The following ABLIM2 variants were observed in gnomAD, a reference collection of about 807,000 sequenced individuals.
ABLIM2 encodes the protein actin-binding LIM protein 2.
A neutral mutation model predicts 97.7 loss-of-function variants in ABLIM2; 53 were observed. The observed-to-expected ratio is 0.54, with a 90% CI of 0.44 to 0.68. The LOEUF is 0.68. ABLIM2 is among the 30% of genes least tolerant of loss of function. The pLI is 0.00. For synonymous variants in ABLIM2, 361 were observed against 345.8 expected, an observed-to-expected ratio of 1.04 and a Z score of -0.49; for missense variants, 835 against 867.2, an observed-to-expected ratio of 0.96 and a Z score of 0.47.
At chr4:8,029,388 C>T (rs1307049499) in intron 11 of ABLIM2, among the ~76,000 whole-genome samples, 2 of 152,184 alleles carry the variant, frequency 1.3e-5, no homozygotes, top group Admixed American at 1.3e-4. Flanking sequence ...GCCCCCTAGG[C>T]TGTGTGCTCC....
intron 6 of ABLIM2, among the ~76,000 whole-genome samples, chr4:8,074,953 T>G (rs2152382327): frequency 6.6e-6 from 1 of 152,088 alleles, no homozygotes; most frequent in Middle Eastern, 3.4e-3. Flanking sequence ...GCCCAGCTAA[T>G]TTTTGTAGTT....
chr4:8,077,747 A>G lies in ABLIM2; in HGVS notation c.582-26T>C, dbSNP rs752010543. The G allele has an allele frequency of 8.8e-6, 14 of 1,592,936 alleles. No individual in the cohort carries two copies. The South Asian group carries it at 1.2e-4, about 14-fold the overall frequency. On this transcript the variant is annotated intron_variant, in intron 5 of 20. Coordinates refer to ENST00000447017, the MANE Select transcript of ABLIM2 (RefSeq NM_001130083.2). ...CTGCAATGAGACAGGCAGTCAACACAGGGCGGGTGTCGCCCGAGGACCCTT... is the reference window on the plus strand; with the variant it reads ...CTGCAATGAGACAGGCAGTCAACACGGGGCGGGTGTCGCCCGAGGACCCTT...
rs757453682 is a variant in ABLIM2 at position 7,984,637 on chromosome 4, C to T, written c.1735+202G>A. 5.9e-5 allele frequency among the ~76,000 whole-genome samples: 9 copies of T among 152,308 alleles called. No individual in the cohort carries two copies. In the Middle Eastern group the frequency reaches 0.01, roughly 173 times the overall value. The stretch of plus-strand genomic sequence containing the variant: ...CATGGATGGGACAGAGGGAGCATCG[C>T]GGGTAAAGCTAGCTTGGAGTGGAAC... On this transcript the variant is annotated intron_variant, in intron 18 of 20. Coordinates refer to ENST00000447017, the MANE Select transcript of ABLIM2 (RefSeq NM_001130083.2).
At chr4:7,977,083 C>T (rs1366754880) in intron 20 of ABLIM2, among the ~76,000 whole-genome samples, 1 of 152,030 alleles carries the variant, frequency 6.6e-6, no homozygotes, top group African/African-American at 2.4e-5. Flanking sequence ...GTGATTGGGT[C>T]CTGGGGGTGG....
At chr4:7,984,918 G>T in intron 17 of ABLIM2, 25 bp from the exon 18 acceptor site, 1 of 1,605,338 alleles carries the variant, frequency 6.2e-7, no homozygotes, top group Non-Finnish European at 8.5e-7. Flanking sequence ...GAGGTTGGGC[G>T]GCAAGAGACA....
chr4:8,010,558 G>A lies in ABLIM2; in HGVS notation c.1424-1456C>T, dbSNP rs1237831826. 4.1e-6 allele frequency: 4 copies of A among 985,822 alleles called. No individual in the cohort carries two copies. In the African/African-American group the frequency reaches 5.2e-5, roughly 13 times the overall value. 61.1% of individuals were successfully genotyped at this position (985,822 alleles called of 1,614,324 possible). ...GGATTGGGCTACAGGACCTTGACAAGATAAGGCCAAAATTGAAGACTGAGC... is the reference window on the plus strand; with the variant it reads ...GGATTGGGCTACAGGACCTTGACAAAATAAGGCCAAAATTGAAGACTGAGC... On this transcript the variant is annotated intron_variant, in intron 14 of 20. Coordinates refer to ENST00000447017, the MANE Select transcript of ABLIM2 (RefSeq NM_001130083.2).
chr4:8,065,731 T>C (rs1412669040), intron 6 of ABLIM2, among the ~76,000 whole-genome samples: 3 of 151,660 alleles, frequency 2.0e-5, no homozygotes, highest in African/African-American at 7.3e-5. Flanking sequence ...TGAGACCAGC[T>C]TGACCAACAT....
In ABLIM2 at chr4:8,002,340, G is replaced by A. The variant is rs1049902600; in HGVS notation, c.1618+5719C>T. On this transcript the variant is annotated intron_variant, in intron 16 of 20. Coordinates refer to ENST00000447017, the MANE Select transcript of ABLIM2 (RefSeq NM_001130083.2). The surrounding 1 kb of genome is among the most constrained non-coding windows in gnomAD (Gnocchi z 6.1). ...CCAACCCAGTGTCTTCTTTGATTCC[G>A]TCACCCCCGCAGCCAGTGGTTCCTG... Among the ~76,000 whole-genome samples the A allele has an allele frequency of 6.6e-6, 1 of 152,120 alleles. No individual in the cohort carries two copies. Among genetic ancestry groups the A allele is most frequent in the Non-Finnish European group, 1.5e-5 (1 of 68,022 alleles).
chr4:8,104,284 G>A (rs902213327), intron 2 of ABLIM2, among the ~76,000 whole-genome samples: 2 of 152,200 alleles, frequency 1.3e-5, no homozygotes, highest in South Asian at 2.1e-4. Context: ...CGCGTGTGCC[G>A]GAGAGCGTGC....
chr4:8,009,798 C>T (rs755074226), intron 14 of ABLIM2, among the ~76,000 whole-genome samples: 22 of 152,164 alleles, frequency 1.4e-4, no homozygotes, highest in African/African-American at 5.3e-4. Flanking sequence ...GCTCTGGATA[C>T]GCCACTGACT....
intron 10 of ABLIM2, among the ~76,000 whole-genome samples, chr4:8,035,605 T>C (rs1159832956): frequency 6.6e-6 from 1 of 152,048 alleles, no homozygotes; most frequent in Non-Finnish European, 1.5e-5. Flanking sequence ...CCACGGGAAA[T>C]GGACAGAGCA....
chr4:8,036,353 G>T, intron 9 of ABLIM2, 58 bp from the exon 10 acceptor site: 1 of 1,586,404 alleles, frequency 6.3e-7, no homozygotes, highest in Non-Finnish European at 8.6e-7. Flanking sequence ...CCAGAGGGCA[G>T]CACCCCCAAA....
chr4:8,138,297 C>T (rs1026897273), intron 1 of ABLIM2, among the ~76,000 whole-genome samples: 27 of 152,044 alleles, frequency 1.8e-4, no homozygotes, highest in Admixed American at 3.3e-4. Flanking sequence ...GAATGGTATG[C>T]TTAAAAATGG....
At chr4:8,041,638 C>G (rs1336031965) in intron 9 of ABLIM2, among the ~76,000 whole-genome samples, 1 of 151,590 alleles carries the variant, frequency 6.6e-6, no homozygotes, top group Non-Finnish European at 1.5e-5. Flanking sequence ...CACGGTGGCT[C>G]ACGCCTGTAA....
rs1740434963 is a variant in ABLIM2 at position 7,983,336 on chromosome 4, C to CTGTTGGG, written c.1751_1752insCCCAACA (p.Tyr585ProfsTer4). 6.2e-7 allele frequency: 1 copy of CTGTTGGG among 1,611,722 alleles called. No homozygotes were observed. The highest frequency in any genetic ancestry group is 1.3e-5 in the African/African-American group (1 of 74,842). ...GGTTTGTGACGATGAGGGAGTCATA[C>CTGTTGGG]GGATAGATCTGTTGGGGGAGGAAAC... On this transcript the variant is annotated frameshift_variant, in exon 20 of 21. Coordinates refer to ENST00000447017, the MANE Select transcript of ABLIM2 (RefSeq NM_001130083.2). LOFTEE classifies it high-confidence loss of function.
chr4:8,032,461 G>C lies in ABLIM2; in HGVS notation c.1048-2685C>G, dbSNP rs755027964. On this transcript the variant is annotated intron_variant, in intron 10 of 20. Transcript: ENST00000447017. The surrounding 1 kb of genome is among the most constrained non-coding windows in gnomAD (Gnocchi z 4.3). ...GCAGACATATCGGGGAGGCATGCAA[G>C]TGCGGGGTGATCATAAAAATAACCA... is the stretch of plus-strand genomic sequence containing the variant. Among the ~76,000 whole-genome samples the C allele has an allele frequency of 4.6e-5, 7 of 152,182 alleles. No homozygotes were observed. The highest frequency in any genetic ancestry group is 4.6e-4 in the Admixed American group (7 of 15,284).
At position 8,075,019 on chromosome 4, in the gene ABLIM2, C is replaced by T. The variant is rs961602865; in HGVS notation, c.675+2609G>A. Reference sequence around the variant, plus strand: ...CAGGCTGGTCTTGAACTCCTGACCTCGTGATCCGCCTGCCTCAGCCTCCCA... The same window carrying T: ...CAGGCTGGTCTTGAACTCCTGACCTTGTGATCCGCCTGCCTCAGCCTCCCA... On this transcript the variant is annotated intron_variant, in intron 6 of 20. Transcript: ENST00000447017. This position sits in a 1 kb window ranked among gnomAD's most constrained non-coding sequence, Gnocchi z 4.4. 1.6e-4 allele frequency among the ~76,000 whole-genome samples: 24 copies of T among 152,004 alleles called. No homozygotes were observed. The highest frequency in any genetic ancestry group is 4.1e-4 in the African/African-American group (17 of 41,396).
At position 8,084,386 on chromosome 4, in the gene ABLIM2, G is replaced by C. The variant is rs961340415; in HGVS notation, c.455-3584C>G. Among the ~76,000 whole-genome samples, 4 of 152,158 alleles carry C rather than the reference G, an allele frequency of 2.6e-5. No homozygotes were observed. The South Asian group carries it at 8.3e-4, about 31-fold the overall frequency. The stretch of plus-strand genomic sequence containing the variant: ...GTGGGAGCTCCTGGGTTTAACCCCG[G>C]CCTCACCTCGAGGCTCTCCTGTTTC... On this transcript the variant is annotated intron_variant, in intron 4 of 20. Transcript: ENST00000447017.
intron 3 of ABLIM2, among the ~76,000 whole-genome samples, chr4:8,090,445 T>G (rs1410281232): frequency 2.0e-5 from 3 of 152,274 alleles, no homozygotes; most frequent in Non-Finnish European, 4.4e-5. Context: ...GCTTATTGCC[T>G]GGACCTGGGA....
Sources: allele counts gnomAD v4.1 joint callset (sites outside exome capture counted in the v4.1 genomes callset), GRCh38; gene constraint gnomAD v4.1.1; non-coding constraint Gnocchi (gnomAD v3.1); transcripts MANE v1.5; gene names NCBI Gene and HGNC (gene_info 2026-07-23, HGNC 2026-07-21).